Variants in CDH18 observed in about 807,000 individuals in gnomAD.
CDH18 encodes cadherin 18.
In CDH18, 31 loss-of-function variants were observed where a neutral mutation model predicts 67.9. That is an observed-to-expected ratio of 0.46 (90% CI 0.34 to 0.62). The LOEUF is 0.62. CDH18 is among the 20% of genes least tolerant of loss of function. The pLI, the probability that CDH18 is intolerant of heterozygous loss-of-function variation, is 0.01. For missense variants in CDH18, 890 were observed against 975.5 expected (o/e 0.91, Z 1.17); for synonymous variants, 362 against 347.2 (o/e 1.04, Z -0.48).
intron 2 of CDH18, among the ~76,000 whole-genome samples, chr5:20,098,775 T>G (rs949489444): frequency 7.3e-4 from 111 of 152,246 alleles, no homozygotes; most frequent in African/African-American, 2.6e-3. Context: ...GATTATTTTA[T>G]TGCAGGAGAA....
At chr5:19,737,867 T>C (rs1210559598) in intron 4 of CDH18, among the ~76,000 whole-genome samples, 1 of 152,192 alleles carries the variant, frequency 6.6e-6, no homozygotes, top group African/African-American at 2.4e-5. Context: ...ACTTGAATGA[T>C]GACAAGTATC....
At position 19,808,234 on chromosome 5, in the gene CDH18, T is replaced by A. The variant is rs544824667; in HGVS notation, c.228+30525A>T. On this transcript the variant is annotated intron_variant, in intron 3 of 12. Transcript: ENST00000382275. ...AACAAAGAATTCTAGCTGAAAATGA[T>A]TGATTATATTTAACTTTGTAACTTT... Among the ~76,000 whole-genome samples the A allele has an allele frequency of 2.0e-4, 30 of 152,086 alleles. No homozygotes were observed. The East Asian group carries it at 3.9e-3, about 20-fold the overall frequency.
chr5:20,313,154 G>T (rs1217771580), intron 1 of CDH18, among the ~76,000 whole-genome samples: 4 of 152,088 alleles, frequency 2.6e-5, no homozygotes, highest in Non-Finnish European at 4.4e-5. Flanking sequence ...TACAATTTAA[G>T]TCATGGTTAT....
At chr5:20,382,915 T>G (rs889246551) in intron 1 of CDH18, among the ~76,000 whole-genome samples, 2 of 152,118 alleles carry the variant, frequency 1.3e-5, no homozygotes, top group African/African-American at 2.4e-5. Flanking sequence ...GTCATTCAAT[T>G]CCTTCCCTAC....
intron 1 of CDH18, among the ~76,000 whole-genome samples, chr5:20,285,498 A>C (rs931320095): frequency 1.3e-5 from 2 of 150,304 alleles, no homozygotes; most frequent in African/African-American, 4.9e-5. Flanking sequence ...TTGGAGGAAT[A>C]AAATATTATA....
chr5:19,761,597 C>G (rs1381696241), intron 3 of CDH18, among the ~76,000 whole-genome samples: 2 of 151,952 alleles, frequency 1.3e-5, no homozygotes, highest in African/African-American at 4.8e-5. Context: ...AAAGAGGACA[C>G]AAACAAATGG....
chr5:19,923,363 G>C (rs1792720024), intron 2 of CDH18, among the ~76,000 whole-genome samples: 1 of 152,114 alleles, frequency 6.6e-6, no homozygotes. Flanking sequence ...CTGATTTCTT[G>C]ATCCACAGAA....
At chr5:20,037,982 G>T (rs1407662386) in intron 2 of CDH18, among the ~76,000 whole-genome samples, 1 of 149,744 alleles carries the variant, frequency 6.7e-6, no homozygotes, top group Non-Finnish European at 1.5e-5. Context: ...AAGAGAGAAG[G>T]ATCAAATAGA....
At chr5:19,572,553 C>T (rs1287974125) in intron 7 of CDH18, among the ~76,000 whole-genome samples, 1 of 152,154 alleles carries the variant, frequency 6.6e-6, no homozygotes, top group Non-Finnish European at 1.5e-5. Flanking sequence ...GTGGCTTAAG[C>T]CAACATCAAC....
At chr5:19,785,349 C>T (rs1775584605) in intron 3 of CDH18, among the ~76,000 whole-genome samples, 1 of 151,576 alleles carries the variant, frequency 6.6e-6, no homozygotes, top group Admixed American at 6.6e-5. Context: ...CACATAGTAG[C>T]CACTCAATAT....
intron 1 of CDH18, among the ~76,000 whole-genome samples, chr5:20,337,147 A>G (rs1337649015): frequency 6.6e-6 from 1 of 152,076 alleles, no homozygotes; most frequent in East Asian, 1.9e-4. Flanking sequence ...ATTCTACGCT[A>G]TTCACTCTGT....
chr5:19,525,507 T>C (rs780012317), intron 9 of CDH18, among the ~76,000 whole-genome samples: 1 of 152,232 alleles, frequency 6.6e-6, no homozygotes, highest in Non-Finnish European at 1.5e-5. Flanking sequence ...GCCTGCCCTG[T>C]CAGGGGCAAC....
At chr5:19,640,103 T>C (rs993170274) in intron 5 of CDH18, among the ~76,000 whole-genome samples, 126 of 152,316 alleles carry the variant, frequency 8.3e-4, no homozygotes, top group African/African-American at 2.9e-3. Context: ...ATCTGTCTTA[T>C]GAGAAATGCT....
intron 5 of CDH18, among the ~76,000 whole-genome samples, chr5:19,702,230 C>T (rs930526361): frequency 4.1e-5 from 6 of 146,810 alleles, no homozygotes; most frequent in African/African-American, 7.5e-5. Context: ...CTCACTGCAA[C>T]CCCCGCCTCC....
chr5:20,050,624 A>G (rs1443797379), intron 2 of CDH18, among the ~76,000 whole-genome samples: 2 of 151,886 alleles, frequency 1.3e-5, no homozygotes, highest in Non-Finnish European at 2.9e-5. Flanking sequence ...TTTTCCATGT[A>G]TAACAGACAT....
intron 2 of CDH18, among the ~76,000 whole-genome samples, chr5:19,856,960 C>G (rs915666493): frequency 1.3e-5 from 2 of 152,016 alleles, no homozygotes; most frequent in African/African-American, 4.8e-5. Context: ...AGATCACTCA[C>G]GATTGTAATC....
intron 1 of CDH18, among the ~76,000 whole-genome samples, chr5:20,257,962 C>A (rs984077465): frequency 2.0e-5 from 3 of 151,808 alleles, no homozygotes; most frequent in Non-Finnish European, 1.5e-5. Context: ...CGTAGTTGTA[C>A]AAAATGTATT....
intron 2 of CDH18, among the ~76,000 whole-genome samples, chr5:20,173,257 G>T (rs1736981777): frequency 6.6e-6 from 1 of 152,102 alleles, no homozygotes; most frequent in Non-Finnish European, 1.5e-5. Flanking sequence ...TGTGACAATT[G>T]CTCTAAACCA....
chr5:19,962,253 G>T (rs988695064), intron 2 of CDH18, among the ~76,000 whole-genome samples: 3 of 150,634 alleles, frequency 2.0e-5, no homozygotes, highest in Non-Finnish European at 4.4e-5. Context: ...CAAATTTTGG[G>T]TTTTAAAGAT....
Sources: gnomAD v4.1 joint callset for allele counts (sites outside exome capture counted in the v4.1 genomes callset) on GRCh38, gnomAD v4.1.1 for gene constraint, MANE v1.5 for transcripts, NCBI Gene and HGNC (gene_info 2026-07-23, HGNC 2026-07-21) for gene names.